The following FAM124B variants were observed in gnomAD, a reference collection of about 807,000 sequenced individuals.
FAM124B encodes family with sequence similarity 124 member B.
In FAM124B, 18 loss-of-function variants were observed where a neutral mutation model predicts 19.7. That is an observed-to-expected ratio of 0.92 (90% CI 0.63 to 1.36). FAM124B has a LOEUF of 1.36. FAM124B is among the 40% of genes most tolerant of loss of function. The pLI, the probability that FAM124B is intolerant of heterozygous loss-of-function variation, is 0.00. For synonymous variants in FAM124B, 223 were observed against 225.2 expected, an observed-to-expected ratio of 0.99 and a Z score of 0.09; for missense variants, 540 against 553.3, an observed-to-expected ratio of 0.98 and a Z score of 0.24.
chr2:224,395,872 T>C (rs1476008188), intron 1 of FAM124B, among the ~76,000 whole-genome samples: 1 of 152,146 alleles, frequency 6.6e-6, no homozygotes, highest in Non-Finnish European at 1.5e-5. Context: ...CAGATCACAA[T>C]TGCACCGCAG....
chr2:224,390,114 T>TACACACACACACACACACACACACAC (rs59825011), intron 1 of FAM124B, among the ~76,000 whole-genome samples: 5 of 131,702 alleles, frequency 3.8e-5, no homozygotes, highest in Non-Finnish European at 6.6e-5. Flanking sequence ...GTCTTTGAAA[T>TACACACACACACACACACACACACAC]ACACACACAC....
Position 224,379,801 on chromosome 2 carries a change from G to A in FAM124B, c.1140C>T (p.Gly380=), listed in dbSNP as rs375635395. Residue 380 remains glycine (G), a synonymous_variant, in exon 2 of 2, where the codon GGC becomes GGT. Transcript: ENST00000409685. ...TGGTCTGTAAATCCCTTGGAAATCC[G>A]CCAAAATAAGTCTGCCTGGGTTCAG... is the stretch of plus-strand genomic sequence containing the variant. ...INSEPRQTYF[G]GFPRDLQTSQ... 1.3e-4 allele frequency: 195 copies of A among 1,551,714 alleles called. 1 individual carries two copies. The Middle Eastern group carries it at 2.7e-3, about 21-fold the overall frequency.
At position 224,380,129 on chromosome 2, in the gene FAM124B, GAAGTCA is replaced by G; in HGVS notation, c.806_811del (p.Leu269_Ser271delinsPro). On this transcript the variant is annotated inframe_deletion, in exon 2 of 2. Transcript: ENST00000409685. ...TTCTGAGGTCCTCTTTGCAGAGACA[GAAGTCA>G]GCCTGGAGCCCAGGGGAAGCATGCC... 6.4e-7 allele frequency: 1 copy of G among 1,551,710 alleles called. No homozygotes were observed. The highest frequency in any genetic ancestry group is 8.7e-7 in the Non-Finnish European group (1 of 1,147,004).
In FAM124B at chr2:224,380,128, A is replaced by G. The variant is rs1340355142; in HGVS notation, c.813T>C (p.Ser271=). 6.4e-7 allele frequency: 1 copy of G among 1,551,728 alleles called. No individual in the cohort carries two copies. The highest frequency in any genetic ancestry group is 2.4e-5 in the East Asian group (1 of 40,918). ...GMLPLGSRLT[S]VSAKRTSEPR... is the part of the protein sequence containing the mutation. The stretch of plus-strand genomic sequence containing the variant: ...GTTCTGAGGTCCTCTTTGCAGAGAC[A>G]GAAGTCAGCCTGGAGCCCAGGGGAA... The change falls in exon 2 of 2, where the codon TCT becomes TCC. Residue 271 remains serine (S), a synonymous_variant. Coordinates refer to ENST00000409685, the MANE Select transcript of FAM124B (RefSeq NM_001122779.2).
At chr2:224,400,456 T>C (rs1429639338) in intron 1 of FAM124B, 2 of 697,926 alleles carry the variant, frequency 2.9e-6, no homozygotes, top group Non-Finnish European at 5.2e-6. Flanking sequence ...CAGGGAGCTA[T>C]GATGGCACCA....
intron 1 of FAM124B, among the ~76,000 whole-genome samples, chr2:224,382,405 C>CTTTTTTTT (rs71062905): frequency 1.9e-5 from 2 of 106,390 alleles, no homozygotes; most frequent in Non-Finnish European, 1.8e-5. Flanking sequence ...GATTCCCTGT[C>CTTTTTTTT]TTTTTTTTTT....
intron 1 of FAM124B, among the ~76,000 whole-genome samples, chr2:224,393,561 C>A (rs188246157): frequency 9.7e-4 from 147 of 152,206 alleles, no homozygotes; most frequent in Admixed American, 3.7e-3. Context: ...GGGAAGCAGT[C>A]ACCCTTATCA....
At chr2:224,400,989 T>C (rs1690058950) in intron 1 of FAM124B, 48 bp downstream of exon 1, 9 of 1,532,828 alleles carry the variant, frequency 5.9e-6, no homozygotes, top group African/African-American at 1.4e-5. Context: ...GATGTAAAAT[T>C]ACACAGCTCC....
At chr2:224,396,329 C>G (rs1463022208) in intron 1 of FAM124B, among the ~76,000 whole-genome samples, 2 of 152,138 alleles carry the variant, frequency 1.3e-5, no homozygotes, top group African/African-American at 4.8e-5. Flanking sequence ...CACCCTTGCT[C>G]CCTTCTCCAA....
intron 1 of FAM124B, among the ~76,000 whole-genome samples, chr2:224,390,952 C>T (rs1402880435): frequency 6.6e-6 from 1 of 151,264 alleles, no homozygotes; most frequent in East Asian, 2.0e-4. Flanking sequence ...ATCCACCCAC[C>T]TCGGCCTCCC....
At chr2:224,383,346 C>T (rs765727812) in intron 1 of FAM124B, among the ~76,000 whole-genome samples, 7 of 152,028 alleles carry the variant, frequency 4.6e-5, no homozygotes, top group East Asian at 1.9e-4. Flanking sequence ...CACATACACC[C>T]GACCTCCTCC....
Position 224,401,584 on chromosome 2 carries a change from G to C in FAM124B, c.185C>G (p.Ser62Cys), listed in dbSNP as rs753511222. ...CAACACGGACATCCCTGGAAACCGG[G>C]ACCGCTTGGAATGGGACTTTTCACA... The part of the protein sequence containing the change: ...KYCEKSHSKR[S>C]RFPGMSVLLF... Residue 62 changes from serine (S) to cysteine (C), a missense_variant, in exon 1 of 2, where the codon TCC becomes TGC. Coordinates refer to ENST00000409685, the MANE Select transcript of FAM124B (RefSeq NM_001122779.2). 5.6e-6 allele frequency: 9 copies of C among 1,614,166 alleles called. No individual in the cohort carries two copies. Among genetic ancestry groups the C allele is most frequent in the Non-Finnish European group, 7.6e-6 (9 of 1,180,030 alleles).
At chr2:224,393,870 G>A (rs973179424) in intron 1 of FAM124B, among the ~76,000 whole-genome samples, 1 of 152,208 alleles carries the variant, frequency 6.6e-6, no homozygotes, top group African/African-American at 2.4e-5. Flanking sequence ...AGTGTTTGGG[G>A]ACGGTTCCAT....
intron 1 of FAM124B, among the ~76,000 whole-genome samples, chr2:224,393,309 T>C (rs1469561762): frequency 1.3e-5 from 2 of 152,180 alleles, no homozygotes; most frequent in Admixed American, 6.5e-5. Flanking sequence ...GCCTCCAGAA[T>C]GGATGGCCGG....
chr2:224,385,108 A>AT (rs1453493558), intron 1 of FAM124B, among the ~76,000 whole-genome samples: 1 of 152,056 alleles, frequency 6.6e-6, no homozygotes, highest in Non-Finnish European at 1.5e-5. Context: ...TTCTCTACCC[A>AT]TGCCACTGAC....
At chr2:224,397,227 A>T (rs1689987541) in intron 1 of FAM124B, among the ~76,000 whole-genome samples, 2 of 152,104 alleles carry the variant, frequency 1.3e-5, no homozygotes, top group Non-Finnish European at 2.9e-5. Flanking sequence ...AATGAGTCTC[A>T]TGAGATCTGA....
intron 1 of FAM124B, among the ~76,000 whole-genome samples, chr2:224,390,158 C>CACACACACACACACAG (rs1368022541): frequency 2.5e-4 from 36 of 145,270 alleles, no homozygotes; most frequent in African/African-American, 7.5e-4. Context: ...CACACACACA[C>CACACACACACACACAG]AGAAAAGGAA....
At chr2:224,383,722 G>A (rs1343519700) in intron 1 of FAM124B, among the ~76,000 whole-genome samples, 2 of 152,062 alleles carry the variant, frequency 1.3e-5, no homozygotes, top group Non-Finnish European at 2.9e-5. Context: ...TGTCAGCTGG[G>A]GTTTCCCTTC....
At chr2:224,380,632 T>C (rs1036930362) in intron 1 of FAM124B, among the ~76,000 whole-genome samples, 6 of 152,192 alleles carry the variant, frequency 3.9e-5, no homozygotes, top group Non-Finnish European at 8.8e-5. Context: ...AAGATAAGGA[T>C]TGAAGTAAGA....
Sources: allele counts gnomAD v4.1 joint callset (sites outside exome capture counted in the v4.1 genomes callset), GRCh38; gene constraint gnomAD v4.1.1; transcripts MANE v1.5; gene names NCBI Gene and HGNC (gene_info 2026-07-23, HGNC 2026-07-21).